The following FAM20A variants were observed in gnomAD, a reference collection of about 807,000 sequenced individuals.
FAM20A encodes FAM20A golgi associated secretory pathway pseudokinase, also known as pseudokinase FAM20A.
In FAM20A, 42 loss-of-function variants were observed where a neutral mutation model predicts 52.0. The observed-to-expected ratio is 0.81, with a 90% confidence interval of 0.63 to 1.04. The LOEUF is 1.04. Ranked by LOEUF, FAM20A falls within the 50% of genes least tolerant of loss-of-function variation. The probability of loss-of-function intolerance (pLI) is 0.00; values close to 1 mark genes in which losing one functional copy is unlikely to be tolerated. For synonymous variants in FAM20A, 304 were observed against 298.9 expected (o/e 1.02, Z -0.18); for missense variants, 742 against 712.7 (o/e 1.04, Z -0.47).
At chr17:68,563,914 T>C (rs1381845213) in intron 1 of FAM20A, among the ~76,000 whole-genome samples, 4 of 152,176 alleles carry the variant, frequency 2.6e-5, no homozygotes, top group Non-Finnish European at 5.9e-5. Context: ...GGCTCTGTTT[T>C]GGTGTCACTG....
At chr17:68,575,711 T>A (rs2087738990) in intron 1 of FAM20A, among the ~76,000 whole-genome samples, 1 of 122,216 alleles carries the variant, frequency 8.2e-6, no homozygotes, top group Non-Finnish European at 1.7e-5. Flanking sequence ...TATTATATAT[T>A]ATATATTTTA....
At chr17:68,581,370 C>CTTTCTTTCTTTCTTTCTTTCTTTG (rs2087955537) in intron 1 of FAM20A, among the ~76,000 whole-genome samples, 1 of 139,462 alleles carries the variant, frequency 7.2e-6, no homozygotes, top group Admixed American at 7.3e-5. Context: ...TTCTTTCTTT[C>CTTTCTTTCTTTCTTTCTTTCTTTG]TTTCTTTCTT....
intron 7 of FAM20A, 176 bp from the exon 8 acceptor site, chr17:68,541,134 G>T: frequency 1.2e-6 from 1 of 857,438 alleles, no homozygotes; most frequent in Non-Finnish European, 1.8e-6. Flanking sequence ...TGCATATTCC[G>T]TGTGGTGAGA....
chr17:68,554,029 T>C (rs1370573556), intron 3 of FAM20A, among the ~76,000 whole-genome samples: 1 of 89,556 alleles, frequency 1.1e-5, no homozygotes. Context: ...TATACATATA[T>C]ACACACATGC....
chr17:68,537,617 G>A lies in FAM20A; in HGVS notation c.1486C>T (p.Leu496Phe), dbSNP rs190227580. ...GTTTGGAGCCTTCGATCCAGGGCAAGGAGGTGGGGTTCAGTGAGGACAGGG... is the reference window on the plus strand; with the variant it reads ...GTTTGGAGCCTTCGATCCAGGGCAAAGAGGTGGGGTTCAGTGAGGACAGGG... The part of the protein sequence containing the change: ...LSPVLTEPHL[L>F]ALDRRLQTIL... Residue 496 changes from leucine (L) to phenylalanine (F), a missense_variant, in exon 11 of 11, where the codon CTT (leucine) becomes TTT (phenylalanine). Leu to Phe is a conservative substitution (Grantham distance 22). Transcript: ENST00000592554. This position sits in a 1 kb window ranked among gnomAD's most constrained non-coding sequence, Gnocchi z 4.2. The A allele has an allele frequency of 3.3e-5, 53 of 1,613,826 alleles. No individual in the cohort carries two copies. In the Admixed American group the frequency reaches 8.2e-4, roughly 25 times the overall value.
intron 1 of FAM20A, among the ~76,000 whole-genome samples, chr17:68,581,201 G>C (rs2143851779): frequency 1.3e-5 from 2 of 152,280 alleles, no homozygotes; most frequent in East Asian, 3.9e-4. Flanking sequence ...ATGCAAAGGG[G>C]TGTACTGTGA....
intron 1 of FAM20A, among the ~76,000 whole-genome samples, chr17:68,565,421 T>A (rs2087351181): frequency 7.5e-6 from 1 of 132,752 alleles, no homozygotes; most frequent in Non-Finnish European, 1.5e-5. Context: ...TGAGATGGAG[T>A]CTTGCTCTGT....
chr17:68,585,565 G>T (rs1039578761), intron 1 of FAM20A, among the ~76,000 whole-genome samples: 1 of 152,038 alleles, frequency 6.6e-6, no homozygotes, highest in Non-Finnish European at 1.5e-5. Flanking sequence ...CTGAAAAACT[G>T]CACTCAAAGT....
chr17:68,591,654 A>G (rs1231336310), intron 1 of FAM20A: 1 of 152,274 alleles, frequency 6.6e-6, no homozygotes, highest in African/African-American at 2.4e-5. Flanking sequence ...AAGGCTGAAC[A>G]ACCGGACTGC....
Position 68,542,807 on chromosome 17 carries a change from A to AT in FAM20A, c.814dup (p.Ile272AsnfsTer28). On this transcript the variant is annotated frameshift_variant and splice_region_variant, in exon 6 of 11. Coordinates refer to ENST00000592554, the MANE Select transcript of FAM20A (RefSeq NM_017565.4). LOFTEE classifies it high-confidence loss of function. Reference sequence around the variant, plus strand: ...TGGCGGCACCCGTCGGAAGTCCAGAATCCTGCAAGAGAGGAAGCTCTGTTC... The same window carrying AT: ...TGGCGGCACCCGTCGGAAGTCCAGAATTCCTGCAAGAGAGGAAGCTCTGTTC... 6.2e-7 allele frequency: 1 copy of AT among 1,611,238 alleles called. No homozygotes were observed. Among genetic ancestry groups the AT allele is most frequent in the Non-Finnish European group, 8.5e-7 (1 of 1,177,408 alleles).
intron 1 of FAM20A, among the ~76,000 whole-genome samples, chr17:68,587,800 A>AAT (rs1444983599): frequency 6.6e-6 from 1 of 152,242 alleles, no homozygotes; most frequent in Non-Finnish European, 1.5e-5. Context: ...AGGACTCTAC[A>AAT]TGTTCATGGT....
chr17:68,575,496 A>C (rs1205922141), intron 1 of FAM20A, among the ~76,000 whole-genome samples: 5 of 104,576 alleles, frequency 4.8e-5, no homozygotes, highest in Non-Finnish European at 8.9e-5. Flanking sequence ...TATATTATAG[A>C]TATTAGATAT....
chr17:68,583,058 G>A (rs529955620), intron 1 of FAM20A, among the ~76,000 whole-genome samples: 11 of 151,468 alleles, frequency 7.3e-5, no homozygotes, highest in Non-Finnish European at 1.3e-4. Flanking sequence ...CGCCCACCTC[G>A]GCCTCCGAAA....
chr17:68,552,610 G>A (rs1379040037), intron 3 of FAM20A, among the ~76,000 whole-genome samples: 1 of 151,532 alleles, frequency 6.6e-6, no homozygotes, highest in African/African-American at 2.4e-5. Flanking sequence ...AAATGGTCAA[G>A]GCAGGTGCTT....
At chr17:68,541,730 G>A (rs988955034) in intron 7 of FAM20A, 4 of 420,642 alleles carry the variant, frequency 9.5e-6, no homozygotes, top group African/African-American at 7.9e-5. Context: ...GCTTCTCAAG[G>A]AGAGAGTCTG....
rs772611671 is a variant in FAM20A, at chr17:68,537,447, G to A, written c.*30C>T. The A allele has an allele frequency of 2.9e-5, 46 of 1,613,616 alleles. No individual in the cohort carries two copies. The highest frequency in any genetic ancestry group is 6.7e-5 in the African/African-American group (5 of 74,896). ...CGAGTCGACTGCTCTGGCTCCAGGCGTATTTTCTGAAACTGGACTCTGCCA... is the reference window on the plus strand; with the variant it reads ...CGAGTCGACTGCTCTGGCTCCAGGCATATTTTCTGAAACTGGACTCTGCCA... On this transcript the variant is annotated 3_prime_UTR_variant, in exon 11 of 11. Coordinates refer to ENST00000592554, the MANE Select transcript of FAM20A (RefSeq NM_017565.4). The surrounding 1 kb of genome is among the most constrained non-coding windows in gnomAD (Gnocchi z 4.2).
chr17:68,578,621 G>A, intron 1 of FAM20A, among the ~76,000 whole-genome samples: 1 of 152,008 alleles, frequency 6.6e-6, no homozygotes, highest in East Asian at 1.9e-4. Flanking sequence ...TTGCCTCAGA[G>A]TGTTTTTAGG....
chr17:68,598,234 T>C (rs2088510822), intron 1 of FAM20A: 1 of 152,122 alleles, frequency 6.6e-6, no homozygotes, highest in South Asian at 2.1e-4. Flanking sequence ...ACTCCTGGGC[T>C]CAAGTGATCC....
chr17:68,544,043 C>A (rs919200299), intron 4 of FAM20A, among the ~76,000 whole-genome samples: 7 of 152,132 alleles, frequency 4.6e-5, no homozygotes, highest in African/African-American at 1.7e-4. Flanking sequence ...AGACATTCTT[C>A]TGCAGGTATA....
Sources: allele counts gnomAD v4.1 joint callset (sites outside exome capture counted in the v4.1 genomes callset), GRCh38; gene constraint gnomAD v4.1.1; non-coding constraint Gnocchi (gnomAD v3.1); transcripts MANE v1.5; gene names NCBI Gene and HGNC (gene_info 2026-07-23, HGNC 2026-07-21).